Variants in TMEM132C observed in about 807,000 individuals in gnomAD.
The protein encoded by TMEM132C is protein phosphatase 1, regulatory subunit 152.
A neutral mutation model predicts 61.4 loss-of-function variants in TMEM132C; 29 were observed. The observed-to-expected ratio is 0.47, with a 90% CI of 0.35 to 0.64. The LOEUF (loss-of-function observed/expected upper bound fraction) is 0.64. Among genes scored for constraint, TMEM132C ranks in the 30% least tolerant of loss-of-function variants. The pLI is 0.00. For missense variants in TMEM132C, 1,408 were observed against 1,476.9 expected, an observed-to-expected ratio of 0.95 and a Z score of 0.76; for synonymous variants, 656 against 633.1, an observed-to-expected ratio of 1.04 and a Z score of -0.54.
chr12:128,674,994 A>G (rs1293844608), intron 5 of TMEM132C, among the ~76,000 whole-genome samples: 2 of 152,120 alleles, frequency 1.3e-5, no homozygotes, highest in African/African-American at 4.8e-5. Context: ...ATGTGTGTAG[A>G]TGGGACAGTA....
In TMEM132C at chr12:128,281,850, C is replaced by T. The variant is rs1351825660; in HGVS notation, c.85+14363C>T. ...TGACCTTGAGGAACACTCCCTTCTC[C>T]ACTTCCCCCTTCAGGTGAAGATAAT... is the stretch of plus-strand genomic sequence containing the variant. On this transcript the variant is annotated intron_variant, in intron 1 of 8. Coordinates refer to ENST00000435159, the MANE Select transcript of TMEM132C (RefSeq NM_001136103.3). Among the ~76,000 whole-genome samples, 3 of 152,198 alleles carry T rather than the reference C, an allele frequency of 2.0e-5. No individual in the cohort carries two copies. In the East Asian group the frequency reaches 5.8e-4, roughly 29 times the overall value.
intron 1 of TMEM132C, among the ~76,000 whole-genome samples, chr12:128,376,006 C>T (rs1022372498): frequency 7.2e-5 from 11 of 152,176 alleles, no homozygotes; most frequent in African/African-American, 2.7e-4. Flanking sequence ...TTTGAGGCTG[C>T]CTGCGGTGGG....
chr12:128,637,858 T>C (rs1954115557), intron 4 of TMEM132C, among the ~76,000 whole-genome samples: 1 of 152,228 alleles, frequency 6.6e-6, no homozygotes, highest in South Asian at 2.1e-4. Context: ...AATATTTGTC[T>C]TTCTGTGACC....
At chr12:128,307,065 C>CT (rs778115898) in intron 1 of TMEM132C, among the ~76,000 whole-genome samples, 1 of 152,126 alleles carries the variant, frequency 6.6e-6, no homozygotes, top group Non-Finnish European at 1.5e-5. Context: ...GAATAACCTC[C>CT]TTCTTTCTGG....
intron 2 of TMEM132C, among the ~76,000 whole-genome samples, chr12:128,489,447 G>A (rs372844099): frequency 2.6e-4 from 39 of 151,682 alleles, no homozygotes; most frequent in African/African-American, 8.0e-4. Context: ...CTGTGTTACC[G>A]TGATGTCTGT....
intron 4 of TMEM132C, among the ~76,000 whole-genome samples, chr12:128,638,525 C>G (rs1423660794): frequency 6.6e-6 from 1 of 152,198 alleles, no homozygotes; most frequent in African/African-American, 2.4e-5. Flanking sequence ...CTCATAGCAT[C>G]TGTTTCAGCG....
chr12:128,476,417 C>A (rs768432681), intron 2 of TMEM132C, among the ~76,000 whole-genome samples: 1 of 152,062 alleles, frequency 6.6e-6, no homozygotes, highest in African/African-American at 2.4e-5. Flanking sequence ...TTAATGACTC[C>A]GGGAGGTTGT....
intron 3 of TMEM132C, among the ~76,000 whole-genome samples, chr12:128,601,231 C>T (rs1876175596): frequency 6.6e-6 from 1 of 152,198 alleles, no homozygotes; most frequent in African/African-American, 2.4e-5. Flanking sequence ...GTCCTCCTCT[C>T]CAGCTATGCA....
Position 128,414,841 on chromosome 12 carries a change from G to A in TMEM132C, c.195G>A (p.Lys65=). Residue 65 remains lysine, a synonymous_variant, in exon 2 of 9, where the codon AAG becomes AAA. Transcript: ENST00000435159. The part of the protein sequence containing the change: ...ILRAETSFFL[K]EANQDLLRNS... Reference sequence around the variant, plus strand: ...GAGCAGAGACCTCCTTCTTCCTCAAGGAAGCCAACCAGGACCTGCTGCGGA... The same window carrying A: ...GAGCAGAGACCTCCTTCTTCCTCAAAGAAGCCAACCAGGACCTGCTGCGGA... The A allele has an allele frequency of 6.5e-7, 1 of 1,548,860 alleles. No homozygotes were observed. The highest frequency in any genetic ancestry group is 8.7e-7 in the Non-Finnish European group (1 of 1,147,040).
At chr12:128,612,230 A>G (rs1270870676) in intron 3 of TMEM132C, among the ~76,000 whole-genome samples, 3 of 152,018 alleles carry the variant, frequency 2.0e-5, no homozygotes, top group Non-Finnish European at 4.4e-5. Flanking sequence ...ACACAGAACT[A>G]TCTCTTCTTC....
chr12:128,676,868 G>A (rs1954593359), intron 5 of TMEM132C, among the ~76,000 whole-genome samples: 1 of 152,218 alleles, frequency 6.6e-6, no homozygotes, highest in African/African-American at 2.4e-5. Flanking sequence ...CGGTGTAAAA[G>A]TATGATAAGG....
intron 2 of TMEM132C, among the ~76,000 whole-genome samples, chr12:128,451,110 A>G (rs1238854354): frequency 1.3e-5 from 2 of 152,202 alleles, no homozygotes; most frequent in Admixed American, 1.3e-4. Context: ...AAAGATTGGT[A>G]TCAGAGATTT....
chr12:128,366,006 G>A (rs1958177248), intron 1 of TMEM132C, among the ~76,000 whole-genome samples: 1 of 152,176 alleles, frequency 6.6e-6, no homozygotes, highest in South Asian at 2.1e-4. Context: ...AGCTGGATCC[G>A]CGGGCCGTGA....
chr12:128,291,452 G>A (rs562819611), intron 1 of TMEM132C, among the ~76,000 whole-genome samples: 3 of 152,306 alleles, frequency 2.0e-5, no homozygotes, highest in South Asian at 4.1e-4. Context: ...CCTGCAGCCC[G>A]CACCAACTGT....
At chr12:128,310,263 C>A (rs137972632) in intron 1 of TMEM132C, among the ~76,000 whole-genome samples, 1,832 of 152,260 alleles carry the variant, frequency 0.012, 42 homozygotes, top group African/African-American at 0.042. Flanking sequence ...AAGGATGAAG[C>A]TAGAGAGTGG....
chr12:128,430,572 A>C (rs984755091), intron 2 of TMEM132C, among the ~76,000 whole-genome samples: 1 of 152,230 alleles, frequency 6.6e-6, no homozygotes, highest in Non-Finnish European at 1.5e-5. Context: ...ACTGCATTTC[A>C]CAGATAATGT....
At chr12:128,343,682 AT>A (rs1229934793) in intron 1 of TMEM132C, among the ~76,000 whole-genome samples, 3 of 152,166 alleles carry the variant, frequency 2.0e-5, no homozygotes, top group Non-Finnish European at 2.9e-5. Context: ...GAGTTGTACA[AT>A]CAACGGTATC....
chr12:128,548,982 G>A (rs1198863756), intron 3 of TMEM132C, among the ~76,000 whole-genome samples: 2 of 152,162 alleles, frequency 1.3e-5, no homozygotes, highest in Non-Finnish European at 2.9e-5. Flanking sequence ...GTTGTCATCT[G>A]CAAAGGGTCC....
intron 3 of TMEM132C, among the ~76,000 whole-genome samples, chr12:128,573,144 C>A (rs1565977996): frequency 6.6e-6 from 1 of 152,174 alleles, no homozygotes; most frequent in African/African-American, 2.4e-5. Flanking sequence ...TATAAAGACA[C>A]ATGCACATAT....
Sources: allele counts gnomAD v4.1 joint callset (sites outside exome capture counted in the v4.1 genomes callset), GRCh38; gene constraint gnomAD v4.1.1; transcripts MANE v1.5; gene names NCBI Gene and HGNC (gene_info 2026-07-23, HGNC 2026-07-21).